The following NRG1 variants were observed in gnomAD, a reference collection of about 807,000 sequenced individuals.
NRG1 encodes neuregulin 1, also known as pro-neuregulin-1, membrane-bound isoform.
A neutral mutation model predicts 63.8 loss-of-function variants in NRG1; 18 were observed. The ratio of observed to expected loss-of-function variants is 0.28; its 90% CI spans 0.19 to 0.42. The LOEUF (loss-of-function observed/expected upper bound fraction) is 0.42, where lower values mean the gene tolerates loss of function less well. Among genes scored for constraint, NRG1 ranks in the 10% least tolerant of loss-of-function variants. The probability of loss-of-function intolerance (pLI) is 1.00; values close to 1 mark genes in which losing one functional copy is unlikely to be tolerated. For synonymous variants in NRG1, 302 were observed against 301.3 expected (o/e 1.00, Z -0.02); for missense variants, 762 against 814.7 (o/e 0.94, Z 0.79).
At chr8:31,699,456 T>C (rs545373079) in intron 1 of NRG1, among the ~76,000 whole-genome samples, 16 of 152,298 alleles carry the variant, frequency 1.1e-4, no homozygotes, top group African/African-American at 3.8e-4. Context: ...GTTGCCCAAG[T>C]TGTGTCTTTT....
chr8:32,705,692 G>A (rs1018126155), intron 5 of NRG1, among the ~76,000 whole-genome samples: 1 of 152,244 alleles, frequency 6.6e-6, no homozygotes. Context: ...AATCATATCA[G>A]ATCTTAAATA....
At chr8:31,960,383 T>C (rs548697638) in intron 1 of NRG1, among the ~76,000 whole-genome samples, 1 of 152,250 alleles carries the variant, frequency 6.6e-6, no homozygotes, top group African/African-American at 2.4e-5. Context: ...TCAGGGATTC[T>C]ACACCATGGA....
intron 5 of NRG1, among the ~76,000 whole-genome samples, chr8:32,645,016 A>G (rs1034736400): frequency 5.9e-5 from 9 of 152,228 alleles, no homozygotes; most frequent in Non-Finnish European, 1.0e-4. Flanking sequence ...TGTATTGAGT[A>G]TAATAGTTTT....
Position 31,936,790 on chromosome 8 carries a change from C to A in NRG1, c.37+297359C>A, listed in dbSNP as rs191469985. Among the ~76,000 whole-genome samples the A allele has an allele frequency of 4.1e-4, 63 of 152,238 alleles. 1 individual carries two copies. The East Asian group carries it at 0.011, about 27-fold the overall frequency. ...ATCCCTTCAGGCTGTTGGATAAATACAAATAAGCACATACAACCAAAACAA... is the reference window on the plus strand; with the variant it reads ...ATCCCTTCAGGCTGTTGGATAAATAAAAATAAGCACATACAACCAAAACAA... On this transcript the variant is annotated intron_variant, in intron 1 of 10. Coordinates refer to the NRG1 transcript ENST00000519301.
At chr8:32,532,160 A>G (rs901558031) in intron 1 of NRG1, among the ~76,000 whole-genome samples, 1 of 152,158 alleles carries the variant, frequency 6.6e-6, no homozygotes, top group African/African-American at 2.4e-5. Flanking sequence ...CAGATTTTCA[A>G]GAAGTAATAT....
intron 5 of NRG1, among the ~76,000 whole-genome samples, chr8:32,661,915 A>G (rs1802961351): frequency 6.6e-6 from 1 of 152,206 alleles, no homozygotes; most frequent in Non-Finnish European, 1.5e-5. Flanking sequence ...AGTCTGATAG[A>G]AGAAATAACA....
chr8:31,969,891 C>A (rs941853926), intron 1 of NRG1, among the ~76,000 whole-genome samples: 2 of 152,144 alleles, frequency 1.3e-5, no homozygotes, highest in African/African-American at 4.8e-5. Flanking sequence ...AGACAAAACA[C>A]TCCTGGCATG....
rs140752241 is a variant in NRG1, at chr8:32,172,447, C to G, written c.38-423381C>G. Among the ~76,000 whole-genome samples, 440 of 152,328 alleles carry G rather than the reference C, an allele frequency of 2.9e-3. 3 individuals carry two copies. Among genetic ancestry groups the G allele is most frequent in the Middle Eastern group, 0.01 (3 of 294 alleles). ...TCTAAAAATCAGAACGCCTCTCCTC[C>G]TCCAAAGGAATGCAGCTCCTTACCA... On this transcript the variant is annotated intron_variant, in intron 1 of 10. Coordinates refer to the NRG1 transcript ENST00000519301.
intron 1 of NRG1, among the ~76,000 whole-genome samples, chr8:31,648,126 T>TC (rs1804467526): frequency 2.8e-5 from 1 of 35,582 alleles, no homozygotes; most frequent in African/African-American, 7.9e-5. Context: ...TGACTACTCT[T>TC]TTTTTTTTTT....
At position 32,315,354 on chromosome 8, in the gene NRG1, A is replaced by G. The variant is rs1277622269; in HGVS notation, c.38-280474A>G. On this transcript the variant is annotated intron_variant, in intron 1 of 10. Transcript: ENST00000519301. Reference sequence around the variant, plus strand: ...TGCTGAGTTTGGTTTTCTGTTCCTTATGTTAGTTTGCTGAGGATGGTGGCT... The same window carrying G: ...TGCTGAGTTTGGTTTTCTGTTCCTTGTGTTAGTTTGCTGAGGATGGTGGCT... 3.3e-5 allele frequency among the ~76,000 whole-genome samples: 5 copies of G among 152,190 alleles called. 1 individual carries two copies. In the East Asian group the frequency reaches 7.7e-4, roughly 24 times the overall value.
At chr8:32,495,655 G>C (rs1827123046) in intron 1 of NRG1, among the ~76,000 whole-genome samples, 1 of 152,128 alleles carries the variant, frequency 6.6e-6, no homozygotes, top group African/African-American at 2.4e-5. Flanking sequence ...TAGAGATGGG[G>C]TTTCGCCACG....
chr8:31,648,596 A>G (rs1211761776), intron 1 of NRG1, among the ~76,000 whole-genome samples: 1 of 152,126 alleles, frequency 6.6e-6, no homozygotes, highest in African/African-American at 2.4e-5. Context: ...GACAAACACT[A>G]TTCTACTGTT....
chr8:31,815,060 C>T (rs1294896518), intron 1 of NRG1, among the ~76,000 whole-genome samples: 1 of 152,080 alleles, frequency 6.6e-6, no homozygotes, highest in Non-Finnish European at 1.5e-5. Context: ...TTGTTTGCAT[C>T]TCTTCAATTT....
At chr8:32,540,423 C>T (rs1281110458) in intron 1 of NRG1, among the ~76,000 whole-genome samples, 1 of 152,126 alleles carries the variant, frequency 6.6e-6, no homozygotes, top group African/African-American at 2.4e-5. Context: ...TTCTGTCAGA[C>T]TATCTTTTGG....
At chr8:32,291,848 A>C (rs949227047) in intron 1 of NRG1, among the ~76,000 whole-genome samples, 2 of 152,132 alleles carry the variant, frequency 1.3e-5, no homozygotes, top group Admixed American at 6.6e-5. Flanking sequence ...ACTGTTTGGC[A>C]TGTGACTTAA....
chr8:31,856,063 A>T (rs1318587723), intron 1 of NRG1, among the ~76,000 whole-genome samples: 2 of 151,106 alleles, frequency 1.3e-5, no homozygotes, highest in Non-Finnish European at 1.5e-5. Flanking sequence ...CTTCATTTCA[A>T]CTTTGGTGAA....
rs959488154 is a variant in NRG1 at position 31,640,530 on chromosome 8, C to T, written c.37+1099C>T. ...GCTTGAAGAAGGACTCGCTGCTCAC[C>T]GTGCGCCTGGGGACCTGGGGCCACC... On this transcript the variant is annotated intron_variant, in intron 1 of 10. Coordinates refer to the NRG1 transcript ENST00000519301. This position sits in a 1 kb window ranked among gnomAD's most constrained non-coding sequence, Gnocchi z 6.3. 8.1e-6 allele frequency: 13 copies of T among 1,611,602 alleles called. No individual in the cohort carries two copies. The highest frequency in any genetic ancestry group is 8.0e-5 in the African/African-American group (6 of 74,816).
At chr8:32,195,942 A>T (rs954129044) in intron 1 of NRG1, among the ~76,000 whole-genome samples, 1 of 152,200 alleles carries the variant, frequency 6.6e-6, no homozygotes, top group Middle Eastern at 3.2e-3. Context: ...GCAATGTCAG[A>T]TGAGTGAAGA....
chr8:32,105,274 AG>A (rs958238614), intron 1 of NRG1, among the ~76,000 whole-genome samples: 1 of 152,200 alleles, frequency 6.6e-6, no homozygotes, highest in African/African-American at 2.4e-5. Context: ...CTGCTGATAA[AG>A]ATATACCTGA....
Sources: gnomAD v4.1 joint callset for allele counts (sites outside exome capture counted in the v4.1 genomes callset) on GRCh38, gnomAD v4.1.1 for gene constraint, Gnocchi (gnomAD v3.1) non-coding constraint, MANE v1.5 for transcripts, NCBI Gene and HGNC (gene_info 2026-07-23, HGNC 2026-07-21) for gene names.